The following TTN variants were observed in gnomAD, a reference collection of about 807,000 sequenced individuals.
The protein encoded by TTN is connectin.
A neutral mutation model predicts 3,223.0 loss-of-function variants in TTN; 1,525 were observed. The ratio of observed to expected loss-of-function variants is 0.47; its 90% CI spans 0.45 to 0.49. The LOEUF (loss-of-function observed/expected upper bound fraction) is 0.49, where lower values mean the gene tolerates loss of function less well. Among genes scored for constraint, TTN ranks in the 20% least tolerant of loss-of-function variants. TTN has a pLI of 0.00. For synonymous variants in TTN, 14,094 were observed against 15,161.0 expected (o/e 0.93, Z 5.17); for missense variants, 40,786 against 43,424.0 (o/e 0.94, Z 5.40).
intron 224 of TTN, among the ~76,000 whole-genome samples, 173 bp downstream of exon 224, chr2:178,637,196 T>G: frequency 7.6e-6 from 1 of 131,930 alleles, no homozygotes; most frequent in South Asian, 2.5e-4. Flanking sequence ...TATATCTCCT[T>G]GCATAATACT....
At chr2:178,660,777 C>A (rs1460801248) in intron 180 of TTN, among the ~76,000 whole-genome samples, 13 of 152,260 alleles carry the variant, frequency 8.5e-5, no homozygotes, top group African/African-American at 3.1e-4. Flanking sequence ...GCAATCTACT[C>A]ATCTGACGAA....
rs774547565 is a variant in TTN, at chr2:178,601,422, G to A, written c.55575C>T (p.Ala18525=). 6.2e-7 allele frequency: 1 copy of A among 1,612,808 alleles called. No homozygotes were observed. Among genetic ancestry groups the A allele is most frequent in the Non-Finnish European group, 8.5e-7 (1 of 1,179,308 alleles). Residue 18525 remains alanine, a synonymous_variant, in exon 287 of 363, where the codon GCC becomes GCT. Transcript: ENST00000589042. ...VIEKRTIDGK[A]WTKVNPDCGS... is the part of the protein sequence containing the mutation. Reference sequence around the variant, plus strand: ...CACAGTCTGGATTGACTTTGGTCCAGGCTTTTCCATCAATAGTCCTCTTCT... The same window carrying A: ...CACAGTCTGGATTGACTTTGGTCCAAGCTTTTCCATCAATAGTCCTCTTCT...
At position 178,741,835 on chromosome 2, in the gene TTN, G is replaced by A. The variant is rs767512175; in HGVS notation, c.11398C>T (p.Leu3800Phe). 6.2e-7 allele frequency: 1 copy of A among 1,610,164 alleles called. No individual in the cohort carries two copies. Among genetic ancestry groups the A allele is most frequent in the South Asian group, 1.1e-5 (1 of 90,644 alleles). Residue 3800 changes from leucine to phenylalanine, a missense_variant, in exon 48 of 363, where the codon CTT becomes TTT. Physicochemically the swap from Leu to Phe is conservative, Grantham distance 22. Transcript: ENST00000589042. Reference protein sequence around the residue: ...QLSKINETLELLSESPVYPTK... With the variant: ...QLSKINETLEFLSESPVYPTK... ...GGGTAAACTGGAGATTCAGACAAAA[G>A]TTCAAGTGTTTCATTTATTTTAGAT...
In TTN at chr2:178,731,122, C is replaced by G; in HGVS notation, c.17543G>C (p.Gly5848Ala). Residue 5848 changes from glycine (G) to alanine (A), a missense_variant, in exon 60 of 363, where the codon GGG becomes GCG. Gly to Ala is a moderately conservative substitution (Grantham distance 60). Transcript: ENST00000589042. ...DPATLQVKFS[G>A]TKEITAKWFK... The stretch of plus-strand genomic sequence containing the variant: ...CCATTTGGCTGTAATCTCCTTAGTC[C>G]CTGAAAATTTAACCTGCAAAGTGGC... 1 of 1,613,568 alleles carries G rather than the reference C, an allele frequency of 6.2e-7. No homozygotes were observed.
At chr2:178,645,837 T>C in intron 217 of TTN, 83 bp downstream of exon 217, 1 of 842,232 alleles carries the variant, frequency 1.2e-6, no homozygotes. Context: ...CTAAAAGTCA[T>C]ACATTTCTTG....
chr2:178,582,180 A>G lies in TTN; in HGVS notation c.66189T>C (p.Val22063=), dbSNP rs985631959. ...TGTGATCTTTGGTTATGTTGCTAAT[A>G]ACAGGAGGATCACAGCGTCCTGGTG... is the stretch of plus-strand genomic sequence containing the variant. The part of the protein sequence containing the change: ...YDPPGRCDPP[V]ISNITKDHMT... Residue 22063 remains valine (V), a synonymous_variant, in exon 315 of 363, where the codon GTT becomes GTC. Coordinates refer to ENST00000589042, the MANE Select transcript of TTN (RefSeq NM_001267550.2). The G allele has an allele frequency of 6.2e-7, 1 of 1,612,872 alleles. No homozygotes were observed. The highest frequency in any genetic ancestry group is 1.3e-5 in the African/African-American group (1 of 74,982).
At chr2:178,750,003 C>T (rs757118112) in intron 47 of TTN, 2 of 1,613,180 alleles carry the variant, frequency 1.2e-6, no homozygotes. Context: ...TGAGGCATTG[C>T]TTTAGGTTCC....
intron 11 of TTN, 108 bp downstream of exon 11, chr2:178,790,597 TAAG>T: frequency 6.5e-7 from 1 of 1,544,656 alleles, no homozygotes; most frequent in Admixed American, 1.7e-5. Flanking sequence ...ATTTGCATTA[TAAG>T]AAGAGGTGGA....
In TTN at chr2:178,714,504, G is replaced by A. The variant is rs1357129552; in HGVS notation, c.26270C>T (p.Thr8757Ile). ...TVVGKEVQLQ[T>I]TIEGAEPISV... ...AATGGGTTCAGCGCCTTCAATGGTA[G>A]TCTGCAGCTGAACTTCTTTACCAAC... Residue 8757 changes from threonine (T) to isoleucine (I), a missense_variant, in exon 91 of 363, where the codon ACT becomes ATT. Coordinates refer to ENST00000589042, the MANE Select transcript of TTN (RefSeq NM_001267550.2). 6.2e-7 allele frequency: 1 copy of A among 1,613,316 alleles called. No individual in the cohort carries two copies. Among genetic ancestry groups the A allele is most frequent in the Non-Finnish European group, 8.5e-7 (1 of 1,179,586 alleles).
At chr2:178,679,260 A>G (rs1047795972) in intron 142 of TTN, 79 bp downstream of exon 142, 1 of 1,452,056 alleles carries the variant, frequency 6.9e-7, no homozygotes. Flanking sequence ...GTCATGGGGA[A>G]AGATCTGCTA....
rs2065666013 is a variant in TTN, at chr2:178,665,060, G to A, written c.36044-134C>T. The stretch of plus-strand genomic sequence containing the variant: ...TCCCTTTGTTCCACCAATAGGCTAA[G>A]TCTTTTAAGGGGTTAGTGGATCCTT... On this transcript the variant is annotated intron_variant, in intron 165 of 362. Transcript: ENST00000589042. 3.7e-6 allele frequency: 4 copies of A among 1,086,048 alleles called. No homozygotes were observed. The South Asian group carries it at 6.3e-5, about 17-fold the overall frequency. 67.3% of individuals were successfully genotyped at this position (1,086,048 alleles called of 1,614,324 possible).
At chr2:178,693,790 T>G (rs556450523) in intron 118 of TTN, 101 bp from the exon 119 acceptor site, 1 of 1,242,802 alleles carries the variant, frequency 8.0e-7, no homozygotes, top group African/African-American at 1.5e-5. Context: ...GAGACAAACA[T>G]GAAATGAAAA....
intron 17 of TTN, among the ~76,000 whole-genome samples, chr2:178,783,463 G>A (rs1039778795): frequency 4.6e-5 from 7 of 152,162 alleles, no homozygotes; most frequent in Non-Finnish European, 8.8e-5. Context: ...CACAGCTCCT[G>A]CAATAATGCC....
intron 295 of TTN, 137 bp downstream of exon 295, chr2:178,595,370 A>C (rs2051269328): frequency 2.6e-6 from 2 of 756,250 alleles, no homozygotes; most frequent in Admixed American, 5.6e-5. Flanking sequence ...CTACCAAATC[A>C]GATACTGAGT....
At position 178,602,038 on chromosome 2, in the gene TTN, AGAT is replaced by A. The variant is rs754882031; in HGVS notation, c.55230_55232del (p.Ser18411del). ...TCTTTGCCTTTCCATCAAATTCCCA[AGAT>A]GATTTTGGTGTTGGGCGTCCCTTGA... On this transcript the variant is annotated inframe_deletion, in exon 284 of 363. Transcript: ENST00000589042. 3 of 1,612,704 alleles carry A rather than the reference AGAT, an allele frequency of 1.9e-6. No individual in the cohort carries two copies. The South Asian group carries it at 3.3e-5, about 18-fold the overall frequency.
chr2:178,618,795 C>G lies in TTN; in HGVS notation c.46755G>C (p.Leu15585=). ...QDLVVDVGKP[L]TMVVPYDAYP... is the part of the protein sequence containing the mutation. ...AGGCATCATATGGCACCACCATTGT[C>G]AGAGGCTTGCCAACATCAACCACAA... The change falls in exon 251 of 363, where the codon CTG becomes CTC. Residue 15585 remains leucine, a synonymous_variant. Transcript: ENST00000589042. 2.5e-6 allele frequency: 4 copies of G among 1,611,212 alleles called. No homozygotes were observed. Among genetic ancestry groups the G allele is most frequent in the Non-Finnish European group, 1.7e-6 (2 of 1,178,704 alleles).
In TTN at chr2:178,655,138, T is replaced by TATTTGTACATTAAATACAACATA. The variant is rs2063789138; in HGVS notation, c.38039-144_38039-143insTATGTTGTATTTAATGTACAAAT. 6.6e-6 allele frequency: 4 copies of TATTTGTACATTAAATACAACATA among 608,130 alleles called. 1 individual carries two copies. In the South Asian group the frequency reaches 8.7e-5, roughly 13 times the overall value. The allele number at this position is 608,130 out of a possible 1,614,324, so 37.7% of individuals were successfully genotyped here. ...GGAAGGCTGATTCAACATACAAAAA[T>TATTTGTACATTAAATACAACATA]CAATAAACGTAATCCATCATATAAA... On this transcript the variant is annotated intron_variant, in intron 189 of 362. Coordinates refer to ENST00000589042, the MANE Select transcript of TTN (RefSeq NM_001267550.2).
intron 7 of TTN, 54 bp downstream of exon 7, chr2:178,794,868 A>G: frequency 6.3e-7 from 1 of 1,586,810 alleles, no homozygotes; most frequent in South Asian, 1.1e-5. Flanking sequence ...GCAGAAATCC[A>G]GTTGGAGAAA....
In TTN at chr2:178,732,590, C is replaced by G. The variant is rs1460594860; in HGVS notation, c.16471G>C (p.Val5491Leu). 5 of 1,613,668 alleles carry G rather than the reference C, an allele frequency of 3.1e-6. No individual in the cohort carries two copies. In the East Asian group the frequency reaches 1.1e-4, roughly 36 times the overall value. The stretch of plus-strand genomic sequence containing the variant: ...GTAATATAGCAGCTTCCACCAGAAA[C>G]CAGCTCTTTGTTGCCCTTAAACCAT... Reference protein sequence around the residue: ...IRWFKGNKELVSGGSCYITKE... With the variant: ...IRWFKGNKELLSGGSCYITKE... The change falls in exon 56 of 363, where the codon GTT becomes CTT. Residue 5491 changes from valine to leucine, a missense_variant. Coordinates refer to ENST00000589042, the MANE Select transcript of TTN (RefSeq NM_001267550.2).
Sources: allele counts gnomAD v4.1 joint callset (sites outside exome capture counted in the v4.1 genomes callset), GRCh38; gene constraint gnomAD v4.1.1; transcripts MANE v1.5; gene names NCBI Gene and HGNC (gene_info 2026-07-23, HGNC 2026-07-21).